The following NWD1 variants were observed in gnomAD, a reference collection of about 807,000 sequenced individuals.
NWD1 encodes the protein NACHT domain- and WD repeat-containing protein 1.
Under a neutral mutation model 135.1 loss-of-function variants are expected in NWD1, and 129 were observed. The observed-to-expected ratio is 0.96, with a 90% CI of 0.83 to 1.11. The LOEUF is 1.11. Ranked by LOEUF, NWD1 falls within the 50% of genes least tolerant of loss-of-function variation. The pLI is 0.00. For missense variants in NWD1, 1,740 were observed against 1,851.3 expected, an observed-to-expected ratio of 0.94 and a Z score of 1.10; for synonymous variants, 773 against 786.0, an observed-to-expected ratio of 0.98 and a Z score of 0.28.
chr19:16,739,329 CAAAAAA>C (rs67106916), intron 4 of NWD1, among the ~76,000 whole-genome samples: 2 of 78,972 alleles, frequency 2.5e-5, no homozygotes, highest in African/African-American at 4.7e-5. Context: ...CTATCTCTAC[CAAAAAA>C]AAAAAAAAAA....
chr19:16,747,256 C>T (rs554508072), intron 5 of NWD1, among the ~76,000 whole-genome samples: 9 of 151,820 alleles, frequency 5.9e-5, no homozygotes, highest in South Asian at 4.1e-4. Flanking sequence ...AGGCTGGTCT[C>T]GAACTCCTGA....
chr19:16,755,056 C>A (rs1206583489), intron 6 of NWD1, among the ~76,000 whole-genome samples: 2 of 152,200 alleles, frequency 1.3e-5, no homozygotes, highest in Non-Finnish European at 2.9e-5. Context: ...TATCCCACAT[C>A]TACAAATACA....
chr19:16,807,872 C>T lies in NWD1; in HGVS notation c.4023C>T (p.Tyr1341=), dbSNP rs777504707. The T allele has an allele frequency of 6.2e-7, 1 of 1,614,214 alleles. No homozygotes were observed. Among genetic ancestry groups the T allele is most frequent in the Non-Finnish European group, 8.5e-7 (1 of 1,180,038 alleles). Reference sequence around the variant, plus strand: ...GCCCGGTCATCGATGGGCCAAGATACACCTTTTACACTCAGCTGCCCGAGA... The same window carrying T: ...GCCCGGTCATCGATGGGCCAAGATATACCTTTTACACTCAGCTGCCCGAGA... ...DPCPVIDGPR[Y]TFYTQLPETL... Residue 1341 remains tyrosine, a synonymous_variant, in exon 18 of 19, where the codon TAC becomes TAT. Transcript: ENST00000524140.
At chr19:16,775,422 C>T (rs1969564641) in intron 11 of NWD1, among the ~76,000 whole-genome samples, 1 of 139,984 alleles carries the variant, frequency 7.1e-6, no homozygotes, top group Non-Finnish European at 1.5e-5. Context: ...GACCCATACT[C>T]TTTCAGTCTG....
intron 18 of NWD1, among the ~76,000 whole-genome samples, chr19:16,810,437 C>CAAAA (rs529841524): frequency 5.2e-4 from 34 of 65,662 alleles, no homozygotes; most frequent in South Asian, 1.2e-3. Flanking sequence ...GACTCCATCT[C>CAAAA]AAAAAAAAAA....
rs1803036122 is a variant in NWD1 at position 16,773,250 on chromosome 19, G to T, written c.2535G>T (p.Val845=). 4 of 1,613,698 alleles carry T rather than the reference G, an allele frequency of 2.5e-6. No individual in the cohort carries two copies. In the East Asian group the frequency reaches 8.9e-5, roughly 36 times the overall value. Residue 845 remains valine (V), a synonymous_variant, in exon 11 of 19, where the codon GTG becomes GTT. Transcript: ENST00000524140. ...QSWFQLCAHP[V]LVPLGGFLQP... ...GGTTCCAGTTGTGCGCACACCCTGT[G>T]CTGGTGCCCCTCGGAGGATTCCTCC...
intron 18 of NWD1, among the ~76,000 whole-genome samples, chr19:16,813,900 C>T (rs541696315): frequency 2.2e-4 from 34 of 152,016 alleles, no homozygotes; most frequent in African/African-American, 8.2e-4. Flanking sequence ...GCCTGCAATC[C>T]CAGCACTTTG....
intron 12 of NWD1, among the ~76,000 whole-genome samples, chr19:16,782,292 A>G (rs949191137): frequency 6.6e-6 from 1 of 150,878 alleles, no homozygotes; most frequent in Non-Finnish European, 1.5e-5. Flanking sequence ...TCTAAAAAAA[A>G]AAAAAAAAAA....
At position 16,749,847 on chromosome 19, in the gene NWD1, C is replaced by A; in HGVS notation, c.1205C>A (p.Pro402His). Reference sequence around the variant, plus strand: ...TGCCTGGCCTATGGGCTGCCCTTGCCCCCTGCCCAGGTTCTGGACGCCCAC... The same window carrying A: ...TGCCTGGCCTATGGGCTGCCCTTGCACCCTGCCCAGGTTCTGGACGCCCAC... ...QVCLAYGLPL[P>H]PAQVLDAHTR... The change falls in exon 6 of 19, where the codon CCC becomes CAC. Residue 402 changes from proline to histidine, a missense_variant. Pro to His is a moderately conservative substitution (Grantham distance 77, BLOSUM62 -2). Transcript: ENST00000524140. The A allele has an allele frequency of 3.1e-6, 5 of 1,612,442 alleles. No individual in the cohort carries two copies. The South Asian group carries it at 5.5e-5, about 18-fold the overall frequency.
At chr19:16,727,982 A>G (rs935156009) in intron 2 of NWD1, among the ~76,000 whole-genome samples, 1 of 151,946 alleles carries the variant, frequency 6.6e-6, no homozygotes, top group Non-Finnish European at 1.5e-5. Flanking sequence ...GAATCCCTGA[A>G]CCTGGGAGGC....
intron 5 of NWD1, 58 bp from the exon 6 acceptor site, chr19:16,749,081 G>A (rs1968439501): frequency 1.5e-6 from 2 of 1,378,942 alleles, no homozygotes; most frequent in Non-Finnish European, 2.0e-6. Context: ...ACCCCATTTA[G>A]GTCAGCTGCT....
intron 10 of NWD1, among the ~76,000 whole-genome samples, chr19:16,769,067 C>G (rs1176491567): frequency 6.6e-6 from 1 of 152,192 alleles, no homozygotes; most frequent in East Asian, 1.9e-4. Context: ...CGGGGTGGCT[C>G]AAGCCTGTTA....
At chr19:16,754,310 T>TTCCA (rs748045584) in intron 6 of NWD1, among the ~76,000 whole-genome samples, 5 of 146,078 alleles carry the variant, frequency 3.4e-5, no homozygotes, top group Admixed American at 6.8e-5. Flanking sequence ...CATGTCTATC[T>TTCCA]TCCATCCATC....
intron 12 of NWD1, among the ~76,000 whole-genome samples, 193 bp from the exon 13 acceptor site, chr19:16,788,789 T>TC (rs1970143236): frequency 6.6e-6 from 1 of 152,104 alleles, no homozygotes. Flanking sequence ...TCCATAGCCT[T>TC]CCTTTATAGC....
intron 15 of NWD1, among the ~76,000 whole-genome samples, chr19:16,795,448 G>A (rs892372913): frequency 3.5e-5 from 5 of 142,982 alleles, no homozygotes; most frequent in East Asian, 2.0e-4. Context: ...ACCGAGTCTC[G>A]CTCTATTGCG....
At chr19:16,770,332 GCT>G (rs1969371046) in intron 10 of NWD1, among the ~76,000 whole-genome samples, 1 of 152,066 alleles carries the variant, frequency 6.6e-6, no homozygotes, top group African/African-American at 2.4e-5. Flanking sequence ...CCTTTGCTCA[GCT>G]CTCATTCTTC....
Position 16,756,425 on chromosome 19 carries a change from G to A in NWD1, c.1770-2800G>A, listed in dbSNP as rs182803968. On this transcript the variant is annotated intron_variant, in intron 6 of 18. Coordinates refer to ENST00000524140, the MANE Select transcript of NWD1 (RefSeq NM_001007525.5). The stretch of plus-strand genomic sequence containing the variant: ...TTGCTGTCTCAGAGACAGCACAGGC[G>A]GAAGAAAATCCACATATAAGTGGAC... Among the ~76,000 whole-genome samples the A allele has an allele frequency of 1.2e-3, 189 of 152,180 alleles. 1 individual carries two copies. Among genetic ancestry groups the A allele is most frequent in the Middle Eastern group, 6.8e-3 (2 of 294 alleles).
At chr19:16,814,261 G>A (rs1971006763) in intron 18 of NWD1, among the ~76,000 whole-genome samples, 2 of 152,314 alleles carry the variant, frequency 1.3e-5, no homozygotes, top group South Asian at 4.1e-4. Flanking sequence ...GAGGCTCTGA[G>A]AGGCTGGCAG....
intron 12 of NWD1, among the ~76,000 whole-genome samples, chr19:16,788,517 C>A (rs1599534549): frequency 7.2e-6 from 1 of 139,028 alleles, no homozygotes; most frequent in African/African-American, 2.8e-5. Context: ...TGCAGTGAAC[C>A]AAGATTGAGC....
Sources: allele counts gnomAD v4.1 joint callset (sites outside exome capture counted in the v4.1 genomes callset), GRCh38; gene constraint gnomAD v4.1.1; transcripts MANE v1.5; gene names NCBI Gene and HGNC (gene_info 2026-07-23, HGNC 2026-07-21).